Variants in VPS53 observed in about 807,000 individuals in gnomAD.
VPS53 encodes the protein vacuolar protein sorting-associated protein 53 homolog.
A neutral mutation model predicts 107.0 loss-of-function variants in VPS53; 70 were observed. That is an observed-to-expected ratio of 0.65 (90% confidence interval 0.54 to 0.80). VPS53 has a LOEUF of 0.80. Among genes scored for constraint, VPS53 ranks in the 30% least tolerant of loss-of-function variants. The probability of loss-of-function intolerance (pLI) is 0.00; values close to 1 mark genes in which losing one functional copy is unlikely to be tolerated. For missense variants in VPS53, 917 were observed against 1,049.4 expected, an observed-to-expected ratio of 0.87 and a Z score of 1.74; for synonymous variants, 409 against 393.3, an observed-to-expected ratio of 1.04 and a Z score of -0.47.
At chr17:609,555 C>T (rs1472110167) in intron 11 of VPS53, among the ~76,000 whole-genome samples, 2 of 152,096 alleles carry the variant, frequency 1.3e-5, no homozygotes, top group Admixed American at 1.3e-4. Context: ...TTCTATTTGG[C>T]AGAGTTACCC....
Position 631,538 on chromosome 17 carries a change from G to A in VPS53, c.687+12C>T, listed in dbSNP as rs772131273. Reference sequence around the variant, plus strand: ...GATCATCTCTAAAGACTGGGGAAACGCAAAGCAGTACCTTGGTGCCCTGGG... The same window carrying A: ...GATCATCTCTAAAGACTGGGGAAACACAAAGCAGTACCTTGGTGCCCTGGG... On this transcript the variant is annotated intron_variant, in intron 8 of 21. Transcript: ENST00000437048. The A allele has an allele frequency of 3.1e-5, 50 of 1,613,350 alleles. No individual in the cohort carries two copies. The highest frequency in any genetic ancestry group is 6.7e-5 in the African/African-American group (5 of 74,858).
At chr17:676,169 T>G (rs1567731548) in intron 4 of VPS53, 1 of 152,110 alleles carries the variant, frequency 6.6e-6, no homozygotes, top group Non-Finnish European at 1.5e-5. Context: ...CTCTTGAAAA[T>G]GGAGACTTAC....
intron 7 of VPS53, among the ~76,000 whole-genome samples, chr17:637,242 T>G (rs1347501858): frequency 6.6e-6 from 1 of 152,230 alleles, no homozygotes; most frequent in Non-Finnish European, 1.5e-5. Context: ...TAGTTTGTAT[T>G]TCTGTGGGAT....
chr17:652,394 G>C (rs1970990130), intron 7 of VPS53, among the ~76,000 whole-genome samples: 1 of 152,184 alleles, frequency 6.6e-6, no homozygotes, highest in African/African-American at 2.4e-5. Context: ...TTAGTGGGTG[G>C]GAGAAGACTA....
At chr17:536,935 T>C in intron 18 of VPS53, 93 bp downstream of exon 18, 1 of 1,499,004 alleles carries the variant, frequency 6.7e-7, no homozygotes. Flanking sequence ...CTGTGCTTGC[T>C]GCTTAATTTG....
At chr17:521,941 A>T (rs900763833) in intron 19 of VPS53, among the ~76,000 whole-genome samples, 1 of 152,176 alleles carries the variant, frequency 6.6e-6, no homozygotes, top group Non-Finnish European at 1.5e-5. Flanking sequence ...GAGCCAGCCT[A>T]TGTGTACGTA....
chr17:695,772 G>C (rs1972938929), intron 4 of VPS53, among the ~76,000 whole-genome samples: 1 of 152,110 alleles, frequency 6.6e-6, no homozygotes, highest in Non-Finnish European at 1.5e-5. Context: ...GGCTGGCCTT[G>C]AACTCCTAGG....
chr17:704,241 GCTGCATGGAAAATC>G (rs1184511181), intron 2 of VPS53, among the ~76,000 whole-genome samples: 1 of 152,066 alleles, frequency 6.6e-6, no homozygotes, highest in African/African-American at 2.4e-5. Flanking sequence ...CAGGCACTCT[GCTGCATGGAAAATC>G]CCAAGCTCCT....
At chr17:575,371 G>A (rs80077773) in intron 13 of VPS53, among the ~76,000 whole-genome samples, 7,280 of 152,246 alleles carry the variant, frequency 0.048, 261 homozygotes, top group Middle Eastern at 0.15. Flanking sequence ...AAAACAAGGG[G>A]AGGGGTGAAG....
At chr17:574,317 C>T (rs955923975) in intron 13 of VPS53, among the ~76,000 whole-genome samples, 1 of 152,184 alleles carries the variant, frequency 6.6e-6, no homozygotes, top group Non-Finnish European at 1.5e-5. Flanking sequence ...GGCCTGGCTC[C>T]TTGCCCAAAG....
At chr17:537,479 T>G in intron 17 of VPS53, 2 of 257,688 alleles carry the variant, frequency 7.8e-6, no homozygotes, top group Non-Finnish European at 1.5e-5. Flanking sequence ...TAAAGGATCC[T>G]GTTCTCCTGC....
chr17:615,764 TGGGGAA>T (rs1290114201), intron 11 of VPS53, among the ~76,000 whole-genome samples: 2 of 152,186 alleles, frequency 1.3e-5, no homozygotes, highest in African/African-American at 4.8e-5. Context: ...GAAGGTAGCA[TGGGGAA>T]GGGGTCAGGG....
chr17:708,094 T>C (rs1315907769), intron 2 of VPS53, among the ~76,000 whole-genome samples: 1 of 152,164 alleles, frequency 6.6e-6, no homozygotes, highest in African/African-American at 2.4e-5. Context: ...GGGTTTTCTC[T>C]TCGTGTGCGG....
intron 11 of VPS53, among the ~76,000 whole-genome samples, chr17:609,373 C>G (rs938882518): frequency 6.6e-6 from 1 of 152,154 alleles, no homozygotes; most frequent in Non-Finnish European, 1.5e-5. Context: ...ACGGACAGAC[C>G]ACGTTTTGGT....
rs61004817 is a variant in VPS53, at chr17:629,809, C to CCACACA, written c.688-1584_688-1579dup. Among the ~76,000 whole-genome samples, 189 of 140,788 alleles carry CCACACA rather than the reference C, an allele frequency of 1.3e-3. 2 individuals are homozygous for CCACACA. The highest frequency in any genetic ancestry group is 4.7e-3 in the African/African-American group (178 of 37,804). 92.4% of individuals were successfully genotyped at this position (140,788 alleles called of 152,430 possible). ...AACTAAAAACAAAACAAAAAAAAAACCACACACACACACACACACACACAC... is the reference window on the plus strand; with the variant it reads ...AACTAAAAACAAAACAAAAAAAAAACCACACACACACACACACACACACACACACAC... On this transcript the variant is annotated intron_variant, in intron 8 of 21. Transcript: ENST00000437048.
chr17:530,389 GT>G lies in VPS53; in HGVS notation c.2085+2452del, dbSNP rs201400453. On this transcript the variant is annotated intron_variant, in intron 19 of 21. Coordinates refer to ENST00000437048, the MANE Select transcript of VPS53 (RefSeq NM_001128159.3). ...AGGCTGGTCTTTAACTCTTGACCTT[GT>G]GATCCGCCCGCCTCGGCCTCCCAAA... Among the ~76,000 whole-genome samples the G allele has an allele frequency of 7.6e-4, 116 of 152,144 alleles. 1 individual carries two copies. The East Asian group carries it at 0.02, about 27-fold the overall frequency.
At chr17:672,212 T>TCTCTCTCTCTCTCTCC (rs60484397) in intron 4 of VPS53, among the ~76,000 whole-genome samples, 1 of 144,872 alleles carries the variant, frequency 6.9e-6, no homozygotes, top group Non-Finnish European at 1.5e-5. Context: ...TCTCTCTCTC[T>TCTCTCTCTCTCTCTCC]GAGCTTTACT....
chr17:662,597 A>G (rs1243485396), intron 4 of VPS53, among the ~76,000 whole-genome samples: 2 of 151,802 alleles, frequency 1.3e-5, no homozygotes, highest in Admixed American at 1.3e-4. Context: ...GCTGAGGCAG[A>G]AGAATTGCTT....
chr17:521,503 G>T (rs763010673), intron 20 of VPS53, 98 bp downstream of exon 20: 25 of 1,278,252 alleles, frequency 2.0e-5, no homozygotes, highest in Non-Finnish European at 2.5e-5. Context: ...ATGCTTTGAG[G>T]CCGGTGAGGA....
Sources: gnomAD v4.1 joint callset for allele counts (sites outside exome capture counted in the v4.1 genomes callset) on GRCh38, gnomAD v4.1.1 for gene constraint, MANE v1.5 for transcripts, NCBI Gene and HGNC (gene_info 2026-07-23, HGNC 2026-07-21) for gene names.